FBN2: variants seen among roughly 807,000 people sequenced by gnomAD.
The protein encoded by FBN2 is fibrillin-2.
A neutral mutation model predicts 355.6 loss-of-function variants in FBN2; 105 were observed. The observed-to-expected ratio is 0.30, with a 90% CI of 0.25 to 0.35. The LOEUF (loss-of-function observed/expected upper bound fraction) is 0.35. Among genes scored for constraint, FBN2 ranks in the 10% least tolerant of loss-of-function variants. FBN2 has a pLI of 1.00. For missense variants in FBN2, 3,280 were observed against 3,758.7 expected (o/e 0.87, Z 3.33); for synonymous variants, 1,350 against 1,301.2 (o/e 1.04, Z -0.81).
intron 5 of FBN2, among the ~76,000 whole-genome samples, chr5:128,511,915 GAAT>G (rs1240721910): frequency 6.6e-6 from 1 of 152,084 alleles, no homozygotes; most frequent in Non-Finnish European, 1.5e-5. Context: ...AAACTGTTTA[GAAT>G]AATAACTTGT....
chr5:128,442,419 A>T (rs555461891), intron 7 of FBN2: 19 of 455,264 alleles, frequency 4.2e-5, no homozygotes, highest in African/African-American at 3.6e-4. Context: ...AAAAACGCTG[A>T]GCTGTCTTTT....
chr5:128,501,085 T>C (rs188026237), intron 5 of FBN2, among the ~76,000 whole-genome samples: 14 of 152,296 alleles, frequency 9.2e-5, no homozygotes, highest in Admixed American at 3.3e-4. Flanking sequence ...TGCTGAGGAA[T>C]GATGAGACAA....
chr5:128,337,906 T>C (rs1561777803), intron 27 of FBN2, 91 bp downstream of exon 27: 3 of 1,383,836 alleles, frequency 2.2e-6, no homozygotes, highest in African/African-American at 1.4e-5. Context: ...CTAGATTTCA[T>C]GTGCTCCTCA....
At chr5:128,480,319 GC>G in intron 5 of FBN2, among the ~76,000 whole-genome samples, 1 of 151,606 alleles carries the variant, frequency 6.6e-6, no homozygotes, top group Non-Finnish European at 1.5e-5. Flanking sequence ...ATAGACATAT[GC>G]ACTTAGCATA....
chr5:128,365,281 G>T (rs1751737301), intron 17 of FBN2: 1 of 155,412 alleles, frequency 6.4e-6, no homozygotes. Context: ...CCGTGAACAT[G>T]ACTACTACTA....
intron 5 of FBN2, among the ~76,000 whole-genome samples, chr5:128,494,535 C>T (rs1755601028): frequency 6.6e-6 from 1 of 152,072 alleles, no homozygotes; most frequent in Admixed American, 6.6e-5. Flanking sequence ...TACCCCAGGG[C>T]ATTGTAAAAA....
chr5:128,480,919 C>T (rs1393908087), intron 5 of FBN2, among the ~76,000 whole-genome samples: 2 of 151,954 alleles, frequency 1.3e-5, no homozygotes, highest in African/African-American at 4.8e-5. Flanking sequence ...CTCACTGTGG[C>T]TTTGATCCTC....
rs535591005 is a variant in FBN2, at chr5:128,484,367, C to T, written c.629-19446G>A. Among the ~76,000 whole-genome samples the T allele has an allele frequency of 2.0e-5, 3 of 152,200 alleles. No homozygotes were observed. In the East Asian group the frequency reaches 5.8e-4, roughly 29 times the overall value. Reference sequence around the variant, plus strand: ...TCACCTTAACTAAAACTGCAAAGGCCAGCAACAGTCTAAGAGCAGATAGCT... The same window carrying T: ...TCACCTTAACTAAAACTGCAAAGGCTAGCAACAGTCTAAGAGCAGATAGCT... On this transcript the variant is annotated intron_variant, in intron 5 of 64. Transcript: ENST00000262464.
intron 25 of FBN2, 95 bp from the exon 26 acceptor site, chr5:128,339,156 T>C (rs1433231420): frequency 7.7e-7 from 1 of 1,305,344 alleles, no homozygotes; most frequent in African/African-American, 1.5e-5. Flanking sequence ...TTGGGGAAAT[T>C]GCTGGCTAAC....
intron 5 of FBN2, among the ~76,000 whole-genome samples, chr5:128,487,316 G>A (rs1364709937): frequency 6.6e-6 from 1 of 152,140 alleles, no homozygotes; most frequent in Non-Finnish European, 1.5e-5. Flanking sequence ...AAGATGAACT[G>A]AAATTAACCT....
At chr5:128,371,401 C>A (rs1248224987) in intron 15 of FBN2, among the ~76,000 whole-genome samples, 1 of 151,936 alleles carries the variant, frequency 6.6e-6, no homozygotes, top group Non-Finnish European at 1.5e-5. Context: ...CAGACTTCTG[C>A]ATGCCTTTTC....
chr5:128,354,716 T>G lies in FBN2; in HGVS notation c.2674+2560A>C, dbSNP rs540501383. ...CTTGAGAAAAAGACATCAAGGATGC[T>G]GCCAAGGTTTTAAGGGGTGGCAGCT... On this transcript the variant is annotated intron_variant, in intron 20 of 64. Coordinates refer to ENST00000262464, the MANE Select transcript of FBN2 (RefSeq NM_001999.4). 2.0e-5 allele frequency among the ~76,000 whole-genome samples: 3 copies of G among 152,332 alleles called. No individual in the cohort carries two copies. The South Asian group carries it at 6.2e-4, about 32-fold the overall frequency.
intron 24 of FBN2, among the ~76,000 whole-genome samples, chr5:128,344,804 G>A (rs1415147135): frequency 2.0e-5 from 3 of 151,506 alleles, no homozygotes; most frequent in East Asian, 1.9e-4. Context: ...AGGTTCAAGC[G>A]ATTCTCCTGC....
intron 5 of FBN2, among the ~76,000 whole-genome samples, chr5:128,470,554 T>TG (rs758575773): frequency 1.1e-3 from 168 of 152,100 alleles, no homozygotes; most frequent in Non-Finnish European, 1.7e-3. Context: ...CTGTCAGATG[T>TG]GGGGGAAAAA....
At chr5:128,313,332 A>G (rs1750111566) in intron 36 of FBN2, among the ~76,000 whole-genome samples, 2 of 152,130 alleles carry the variant, frequency 1.3e-5, no homozygotes, top group Non-Finnish European at 1.5e-5. Flanking sequence ...AGAACTCTCA[A>G]ATTTATGGTT....
chr5:128,288,064 T>C (rs1749208664), intron 53 of FBN2, among the ~76,000 whole-genome samples: 1 of 152,158 alleles, frequency 6.6e-6, no homozygotes, highest in African/African-American at 2.4e-5. Context: ...GACAAATACA[T>C]CAATATTCTT....
chr5:128,513,428 A>T (rs534952754), intron 5 of FBN2, among the ~76,000 whole-genome samples: 1 of 152,360 alleles, frequency 6.6e-6, no homozygotes, highest in South Asian at 2.1e-4. Context: ...AACAAGAAAA[A>T]ATATTTATGG....
intron 25 of FBN2, among the ~76,000 whole-genome samples, chr5:128,339,554 C>G (rs1480910727): frequency 6.6e-6 from 1 of 151,980 alleles, no homozygotes; most frequent in Non-Finnish European, 1.5e-5. Flanking sequence ...TGTACTCCAG[C>G]CTGGGTGACA....
chr5:128,416,095 C>T (rs530486311), intron 7 of FBN2, among the ~76,000 whole-genome samples: 8 of 150,520 alleles, frequency 5.3e-5, no homozygotes, highest in East Asian at 3.9e-4. Flanking sequence ...GGGGCGATCT[C>T]GGCTCACCGC....
Sources: allele counts gnomAD v4.1 joint callset (sites outside exome capture counted in the v4.1 genomes callset), GRCh38; gene constraint gnomAD v4.1.1; transcripts MANE v1.5; gene names NCBI Gene and HGNC (gene_info 2026-07-23, HGNC 2026-07-21).